ZNF780B: variants seen among roughly 807,000 people sequenced by gnomAD.
The protein encoded by ZNF780B is zinc finger protein 780B, also known as zinc finger protein 779.
ZNF780B carries 52 observed loss-of-function variants against 74.1 expected under a neutral mutation model. That is an observed-to-expected ratio of 0.70 (90% CI 0.56 to 0.88). The LOEUF (loss-of-function observed/expected upper bound fraction) is 0.88, where lower values mean the gene tolerates loss of function less well. Ranked by LOEUF, ZNF780B falls within the 40% of genes least tolerant of loss-of-function variation. ZNF780B has a pLI of 0.00. For synonymous variants in ZNF780B, 315 were observed against 324.3 expected (o/e 0.97, Z 0.31); for missense variants, 953 against 1,007.6 (o/e 0.95, Z 0.73).
In ZNF780B at chr19:40,034,403, T is replaced by C. The variant is rs1448630617; in HGVS notation, c.2456A>G (p.Asp819Gly). ...LNVRNVGQPSDISSNLLNIRK... is the reference protein window; with the variant it reads ...LNVRNVGQPSGISSNLLNIRK... ...GATGTTCAGTAAGTTGCTACTGATG[T>C]CTGAAGGCTGTCCCACATTTCTTAC... Residue 819 changes from aspartate (D) to glycine (G), a missense_variant, in exon 5 of 5, where the codon GAC becomes GGC. Transcript: ENST00000434248. The C allele has an allele frequency of 6.2e-7, 1 of 1,613,550 alleles. No homozygotes were observed. Among genetic ancestry groups the C allele is most frequent in the South Asian group, 1.1e-5 (1 of 91,024 alleles).
intron 4 of ZNF780B, among the ~76,000 whole-genome samples, chr19:40,038,354 G>C (rs1972457619): frequency 1.3e-5 from 2 of 152,220 alleles, no homozygotes; most frequent in South Asian, 4.2e-4. Flanking sequence ...TTGCTATTGT[G>C]AATAGTGCCG....
chr19:40,042,134 T>C (rs1390338204), intron 4 of ZNF780B, among the ~76,000 whole-genome samples: 3 of 152,222 alleles, frequency 2.0e-5, no homozygotes, highest in African/African-American at 7.2e-5. Flanking sequence ...TTTGCTTGTC[T>C]ATAAAGGATT....
At position 40,031,078 on chromosome 19, in the gene ZNF780B, G is replaced by T. The variant is rs1971982473; in HGVS notation, c.*3279C>A. On this transcript the variant is annotated 3_prime_UTR_variant, in exon 5 of 5. Coordinates refer to ENST00000434248, the MANE Select transcript of ZNF780B (RefSeq NM_001005851.3). ...ATTGAAAGAATAATCATCTGACCAG[G>T]GTATATTCATAAAAAGAAGAAAGCT... 2 of 151,440 alleles carry T rather than the reference G, an allele frequency of 1.3e-5. No homozygotes were observed. The highest frequency in any genetic ancestry group is 4.2e-4 in the South Asian group (2 of 4,778). The allele number at this position is 151,440 out of a possible 1,614,324, so 9.4% of individuals were successfully genotyped here.
chr19:40,048,995 G>A, intron 2 of ZNF780B, 199 bp from the exon 3 acceptor site: 1 of 736,832 alleles, frequency 1.4e-6, no homozygotes, highest in Non-Finnish European at 2.1e-6. Flanking sequence ...AGACCAAGGT[G>A]GAAGGACTGC....
rs576073360 is a variant in ZNF780B at position 40,036,091 on chromosome 19, C to T, written c.768G>A (p.Lys256=). 1.2e-6 allele frequency: 2 copies of T among 1,613,210 alleles called. No individual in the cohort carries two copies. Among genetic ancestry groups the T allele is most frequent in the East Asian group, 2.2e-5 (1 of 44,870 alleles). Residue 256 remains lysine (K), a synonymous_variant, in exon 5 of 5, where the codon AAG becomes AAA. Coordinates refer to ENST00000434248, the MANE Select transcript of ZNF780B (RefSeq NM_001005851.3). ...TAAGGTTTGAGCTACGATTAAAAGACTTCCCACATTCCTTACATTCAAACA... is the reference window on the plus strand; with the variant it reads ...TAAGGTTTGAGCTACGATTAAAAGATTTCCCACATTCCTTACATTCAAACA... ...KKLFECKECG[K]SFNRSSNLTQ...
At chr19:40,036,766 G>C (rs2144726146) in intron 4 of ZNF780B, 140 bp from the exon 5 acceptor site, 1 of 577,214 alleles carries the variant, frequency 1.7e-6, no homozygotes, top group East Asian at 3.0e-5. Flanking sequence ...TGCCAATAAT[G>C]AATTTATGTA....
Position 40,036,311 on chromosome 19 carries a change from T to G in ZNF780B, c.548A>C (p.His183Pro). The G allele has an allele frequency of 6.2e-7, 1 of 1,613,972 alleles. No homozygotes were observed. Among genetic ancestry groups the G allele is most frequent in the Admixed American group, 1.7e-5 (1 of 60,000 alleles). ...YFSCGSNLIQ[H>P]QSIHTGEKPY... is the part of the protein sequence containing the mutation. The stretch of plus-strand genomic sequence containing the variant: ...TTTCTCTCCAGTATGAATACTCTGA[T>G]GCTGAATAAGATTTGAACCACAACT... The change falls in exon 5 of 5, where the codon CAT becomes CCT. Residue 183 changes from histidine (H) to proline (P), a missense_variant. Physicochemically the swap from His to Pro is moderately conservative, Grantham distance 77. Transcript: ENST00000434248.
At chr19:40,046,122 G>A (rs1013461230) in intron 4 of ZNF780B, among the ~76,000 whole-genome samples, 4 of 152,302 alleles carry the variant, frequency 2.6e-5, no homozygotes, top group South Asian at 2.1e-4. Flanking sequence ...GGGGGATGAA[G>A]AGGAGTTGGT....
intron 4 of ZNF780B, 162 bp downstream of exon 4, chr19:40,047,213 T>C: frequency 1.5e-6 from 1 of 661,052 alleles, no homozygotes. Flanking sequence ...CCTACAGTGA[T>C]CTTATTTCCT....
chr19:40,029,146 G>A lies in ZNF780B; in HGVS notation c.*5211C>T, dbSNP rs766717983. 6.6e-6 allele frequency: 1 copy of A among 152,154 alleles called. No individual in the cohort carries two copies. Among genetic ancestry groups the A allele is most frequent in the Non-Finnish European group, 1.5e-5 (1 of 68,020 alleles). The allele number at this position is 152,154 out of a possible 1,614,324, so 9.4% of individuals were successfully genotyped here. On this transcript the variant is annotated 3_prime_UTR_variant, in exon 5 of 5. Coordinates refer to ENST00000434248, the MANE Select transcript of ZNF780B (RefSeq NM_001005851.3). ...CCCTGAGACCACAACTTGTGCAGAAGACTCATTGAAATGGAATGGTATTCT... is the reference window on the plus strand; with the variant it reads ...CCCTGAGACCACAACTTGTGCAGAAAACTCATTGAAATGGAATGGTATTCT...
rs376957040 is a variant in ZNF780B, at chr19:40,035,967, T to G, written c.892A>C (p.Ile298Leu). Residue 298 changes from isoleucine to leucine, a missense_variant, in exon 5 of 5, where the codon ATT becomes CTT. By Grantham distance (5) the Ile-to-Leu change is conservative. Transcript: ENST00000434248. ...RGSNLIQHQK[I>L]HSNEKPFVCR... ...ACAAAGGGTTTCTCATTGGAATGAA[T>G]TTTTTGATGCTGAATAAGATTTGAA... 1.2e-6 allele frequency: 2 copies of G among 1,613,984 alleles called. No homozygotes were observed. Among genetic ancestry groups the G allele is most frequent in the Non-Finnish European group, 1.7e-6 (2 of 1,179,994 alleles).
At chr19:40,049,143 A>G (rs1485732802) in intron 2 of ZNF780B, 2 of 218,286 alleles carry the variant, frequency 9.2e-6, no homozygotes, top group East Asian at 2.8e-4. Flanking sequence ...CTGAGGTGGG[A>G]GTATTGCTTG....
Position 40,036,303 on chromosome 19 carries a change from T to A in ZNF780B, c.556A>T (p.Ile186Phe). 6.2e-7 allele frequency: 1 copy of A among 1,613,924 alleles called. No individual in the cohort carries two copies. The highest frequency in any genetic ancestry group is 2.2e-5 in the East Asian group (1 of 44,858). ...TTATAGGGTTTCTCTCCAGTATGAA[T>A]ACTCTGATGCTGAATAAGATTTGAA... ...CGSNLIQHQS[I>F]HTGEKPYKCK... The change falls in exon 5 of 5, where the codon ATT becomes TTT. Residue 186 changes from isoleucine to phenylalanine, a missense_variant. Ile to Phe is a conservative substitution (Grantham distance 21, BLOSUM62 0). Transcript: ENST00000434248.
At chr19:40,045,032 T>A (rs1207924451) in intron 4 of ZNF780B, among the ~76,000 whole-genome samples, 1 of 151,908 alleles carries the variant, frequency 6.6e-6, no homozygotes, top group African/African-American at 2.4e-5. Context: ...AAACCAAAAG[T>A]GAGTAGAAAT....
At chr19:40,042,671 C>A (rs1039986128) in intron 4 of ZNF780B, among the ~76,000 whole-genome samples, 5 of 152,192 alleles carry the variant, frequency 3.3e-5, no homozygotes, top group Non-Finnish European at 7.3e-5. Flanking sequence ...ATCACTGATA[C>A]CCTTTCTTCC....
intron 4 of ZNF780B, among the ~76,000 whole-genome samples, chr19:40,038,312 C>A (rs975737175): frequency 5.9e-5 from 9 of 151,966 alleles, no homozygotes; most frequent in Non-Finnish European, 1.2e-4. Flanking sequence ...TCCAGTCTAT[C>A]ATTGTTGGAC....
chr19:40,051,000 C>A (rs1316191835), intron 1 of ZNF780B, among the ~76,000 whole-genome samples: 1 of 152,046 alleles, frequency 6.6e-6, no homozygotes, highest in Non-Finnish European at 1.5e-5. Context: ...GGTTACAAAG[C>A]AGGATAAACA....
In ZNF780B at chr19:40,036,342, A is replaced by G; in HGVS notation, c.517T>C (p.Tyr173His). The G allele has an allele frequency of 1.2e-6, 2 of 1,613,822 alleles. No individual in the cohort carries two copies. The highest frequency in any genetic ancestry group is 2.2e-5 in the South Asian group (2 of 90,990). The change falls in exon 5 of 5, where the codon TAC becomes CAC. Residue 173 changes from tyrosine (Y) to histidine (H), a missense_variant. Tyr to His is a moderately conservative substitution (Grantham distance 83). Transcript: ENST00000434248. ...ATAAGATTTGAACCACAACTAAAGT[A>G]TTTCCCACATTCCTTACATTCATAT... ...KPYECKECGK[Y>H]FSCGSNLIQH...
At chr19:40,038,741 C>T (rs1408833383) in intron 4 of ZNF780B, among the ~76,000 whole-genome samples, 25 of 151,972 alleles carry the variant, frequency 1.6e-4, no homozygotes, top group African/African-American at 4.6e-4. Flanking sequence ...TCACATCCTT[C>T]GCCCACTTTT....
Sources: allele counts gnomAD v4.1 joint callset (sites outside exome capture counted in the v4.1 genomes callset), GRCh38; gene constraint gnomAD v4.1.1; transcripts MANE v1.5; gene names NCBI Gene and HGNC (gene_info 2026-07-23, HGNC 2026-07-21).